Variants in SNRPG observed in about 807,000 individuals in gnomAD.
SNRPG encodes the protein small nuclear ribonucleoprotein polypeptide G.
SNRPG carries 3 observed loss-of-function variants against 13.9 expected under a neutral mutation model. The ratio of observed to expected loss-of-function variants is 0.22; its 90% CI spans 0.10 to 0.56. SNRPG has a LOEUF of 0.56. Ranked by LOEUF, SNRPG falls within the 20% of genes least tolerant of loss-of-function variation. The pLI, the probability that SNRPG is intolerant of heterozygous loss-of-function variation, is 0.93. For synonymous variants in SNRPG, 29 were observed against 29.3 expected, an observed-to-expected ratio of 0.99 and a Z score of 0.03; for missense variants, 34 against 96.1, an observed-to-expected ratio of 0.35 and a Z score of 2.70.
At chr2:70,292,589 T>C (rs1697128513) in intron 1 of SNRPG, 1 of 155,460 alleles carries the variant, frequency 6.4e-6, no homozygotes, top group South Asian at 2.0e-4. Flanking sequence ...CCTCAGGTGA[T>C]CCTCCCGCCT....
At chr2:70,290,787 A>C (rs1697065518) in intron 1 of SNRPG, among the ~76,000 whole-genome samples, 1 of 129,434 alleles carries the variant, frequency 7.7e-6, no homozygotes, top group African/African-American at 2.9e-5. Flanking sequence ...GGAGTTCGAG[A>C]CCAGCCTGAT....
chr2:70,291,014 AACACACACACACACACACACACACACAC>A (rs56202448), intron 1 of SNRPG, among the ~76,000 whole-genome samples: 9,206 of 133,684 alleles, frequency 0.069, 370 homozygotes, highest in East Asian at 0.19. Context: ...TCCATCTCAA[AACACACACACACACACACACACACACAC>A]ACACACACAC....
In SNRPG at chr2:70,290,384, A is replaced by G. The variant is rs1020552213; in HGVS notation, c.33-1012T>C. Among the ~76,000 whole-genome samples, 8 of 152,286 alleles carry G rather than the reference A, an allele frequency of 5.3e-5. No individual in the cohort carries two copies. In the South Asian group the frequency reaches 8.3e-4, roughly 16 times the overall value. On this transcript the variant is annotated intron_variant, in intron 1 of 3. Transcript: ENST00000272348. Reference sequence around the variant, plus strand: ...ATTTAAGTATATTTTAGAATAATAAATGCACATTTGAAACTTCAAACGATA... The same window carrying G: ...ATTTAAGTATATTTTAGAATAATAAGTGCACATTTGAAACTTCAAACGATA...
Position 70,288,172 on chromosome 2 carries a change from G to A in SNRPG, c.76C>T (p.His26Tyr). ...AATCCCCGCAATATTCCTTGGACATGTCTGCCACCATTTAATTTCACTATT... is the reference window on the plus strand; with the variant it reads ...AATCCCCGCAATATTCCTTGGACATATCTGCCACCATTTAATTTCACTATT... ...KLSLKLNGGR[H>Y]VQGILRGFDP... The change falls in exon 3 of 4, where the codon CAT becomes TAT. Residue 26 changes from histidine (H) to tyrosine (Y), a missense_variant. Physicochemically the swap from His to Tyr is moderately conservative, Grantham distance 83. Coordinates refer to ENST00000272348, the MANE Select transcript of SNRPG (RefSeq NM_003096.4). 3 of 1,612,210 alleles carry A rather than the reference G, an allele frequency of 1.9e-6. No individual in the cohort carries two copies. The highest frequency in any genetic ancestry group is 4.5e-5 in the East Asian group (2 of 44,848).
Position 70,293,058 on chromosome 2 carries a change from A to T in SNRPG, c.32+560T>A, listed in dbSNP as rs947809383. 3 of 688,114 alleles carry T rather than the reference A, an allele frequency of 4.4e-6. No homozygotes were observed. The Admixed American group carries it at 6.6e-5, about 15-fold the overall frequency. 42.6% of individuals were successfully genotyped at this position (688,114 alleles called of 1,614,324 possible). A position where few individuals can be genotyped will look rare whatever the true frequency, so the allele number is the denominator to read the frequency against. ...AAAATGAATGTTCTTATATAGTTTCAACATCAGAGCAAGATAACACATGAC... is the reference window on the plus strand; with the variant it reads ...AAAATGAATGTTCTTATATAGTTTCTACATCAGAGCAAGATAACACATGAC... On this transcript the variant is annotated intron_variant, in intron 1 of 3. Transcript: ENST00000272348.
At chr2:70,288,592 TAC>T (rs1395303761) in intron 2 of SNRPG, among the ~76,000 whole-genome samples, 2 of 152,176 alleles carry the variant, frequency 1.3e-5, no homozygotes, top group African/African-American at 4.8e-5. Flanking sequence ...GTTATACAGC[TAC>T]TGTACGACAG....
intron 3 of SNRPG, among the ~76,000 whole-genome samples, chr2:70,283,625 CT>C (rs1696869145): frequency 6.6e-6 from 1 of 152,128 alleles, no homozygotes; most frequent in African/African-American, 2.4e-5. Flanking sequence ...GCTCAATAAC[CT>C]GGTAAATATG....
chr2:70,293,447 C>T (rs968462452), intron 1 of SNRPG, 171 bp downstream of exon 1: 2 of 709,280 alleles, frequency 2.8e-6, no homozygotes, highest in African/African-American at 1.7e-5. Context: ...GCGAGCTCTG[C>T]GCGGGCTTCA....
intron 1 of SNRPG, chr2:70,293,337 C>A: frequency 1.6e-6 from 1 of 640,008 alleles, no homozygotes; most frequent in South Asian, 1.8e-5. Flanking sequence ...CTTCAAGGAA[C>A]GAGGGACAGC....
chr2:70,282,196 G>A (rs754393325), intron 3 of SNRPG, among the ~76,000 whole-genome samples: 2 of 152,256 alleles, frequency 1.3e-5, no homozygotes, highest in Admixed American at 6.5e-5. Flanking sequence ...GATTACAGGC[G>A]TGAGCTACTA....
intron 1 of SNRPG, among the ~76,000 whole-genome samples, chr2:70,292,394 C>A (rs2104926521): frequency 6.6e-6 from 1 of 152,238 alleles, no homozygotes; most frequent in South Asian, 2.1e-4. Flanking sequence ...GTTACCCAGG[C>A]TGGAGGGCAA....
intron 3 of SNRPG, among the ~76,000 whole-genome samples, chr2:70,285,977 G>A (rs971171786): frequency 3.9e-5 from 6 of 152,132 alleles, no homozygotes; most frequent in African/African-American, 1.4e-4. Flanking sequence ...ACAGGATCTC[G>A]CTTTGTCACA....
chr2:70,283,565 G>A (rs1696867414), intron 3 of SNRPG, among the ~76,000 whole-genome samples: 1 of 152,142 alleles, frequency 6.6e-6, no homozygotes. Flanking sequence ...TGAGGGCAGG[G>A]ACTTAGGTGC....
At chr2:70,292,939 C>G in intron 1 of SNRPG, 1 of 577,096 alleles carries the variant, frequency 1.7e-6, no homozygotes, top group East Asian at 2.8e-5. Flanking sequence ...GGCTCTCCTA[C>G]TTAAAGTTGT....
At chr2:70,283,112 A>AAAAACAAAAC (rs1559041535) in intron 3 of SNRPG, among the ~76,000 whole-genome samples, 2 of 147,850 alleles carry the variant, frequency 1.4e-5, no homozygotes, top group African/African-American at 5.0e-5. Flanking sequence ...AAAAAAAAAA[A>AAAAACAAAAC]AAAAAAAAAA....
At position 70,293,619 on chromosome 2, in the gene SNRPG, T is replaced by C; in HGVS notation, c.31A>G (p.Lys11Glu). 1 of 1,613,976 alleles carries C rather than the reference T, an allele frequency of 6.2e-7. No individual in the cohort carries two copies. The highest frequency in any genetic ancestry group is 8.5e-7 in the Non-Finnish European group (1 of 1,179,834). The change falls in exon 1 of 4, where the codon AAA (lysine) becomes GAA (glutamate). Residue 11 changes from lysine to glutamate, a missense_variant and splice_region_variant. Physicochemically the swap from Lys to Glu is moderately conservative, Grantham distance 56. Transcript: ENST00000272348. Reference protein sequence around the residue: MSKAHPPELKKFMDKKLSLKL... With the variant: MSKAHPPELKEFMDKKLSLKL... ...GGTTTGGCTCTCACACATACTTACT[T>C]TTTCAACTCGGGAGGGTGAGCTTTG...
At position 70,284,708 on chromosome 2, in the gene SNRPG, AT is replaced by A. The variant is rs936626663; in HGVS notation, c.181-3025del. Among the ~76,000 whole-genome samples the A allele has an allele frequency of 6.6e-3, 987 of 150,200 alleles. 14 individuals carry two copies. Among genetic ancestry groups the A allele is most frequent in the African/African-American group, 0.023 (941 of 41,078 alleles). On this transcript the variant is annotated intron_variant, in intron 3 of 3. Coordinates refer to ENST00000272348, the MANE Select transcript of SNRPG (RefSeq NM_003096.4). ...CAGTTATCAGAATTTTAAATTCTCA[AT>A]TTTTTTTTTGGCAACAGATATTGAA...
intron 3 of SNRPG, chr2:70,287,478 T>C: frequency 5.0e-6 from 3 of 597,502 alleles, no homozygotes; most frequent in Non-Finnish European, 8.9e-6. Flanking sequence ...CTATGAGGGC[T>C]CAGTATGTGC....
Position 70,285,584 on chromosome 2 carries a change from GCA to G in SNRPG, c.180+2482_180+2483del, listed in dbSNP as rs111593689. Among the ~76,000 whole-genome samples the G allele has an allele frequency of 1.1e-3, 169 of 150,894 alleles. 1 individual carries two copies. Among genetic ancestry groups the G allele is most frequent in the East Asian group, 2.3e-3 (12 of 5,152 alleles). On this transcript the variant is annotated intron_variant, in intron 3 of 3. Transcript: ENST00000272348. ...GAGACTCTGTCATACACACGCGCGT[GCA>G]CACACACACACACAGAAATTTGTGC...
Sources: gnomAD v4.1 joint callset for allele counts (sites outside exome capture counted in the v4.1 genomes callset) on GRCh38, gnomAD v4.1.1 for gene constraint, MANE v1.5 for transcripts, NCBI Gene and HGNC (gene_info 2026-07-23, HGNC 2026-07-21) for gene names.